Variants in MCM5 observed in about 807,000 individuals in gnomAD.
MCM5 encodes the protein minichromosome maintenance complex component 5.
In MCM5, 46 loss-of-function variants were observed where a neutral mutation model predicts 79.9. The observed-to-expected ratio is 0.58, with a 90% confidence interval of 0.45 to 0.74. The LOEUF is 0.74. Ranked by LOEUF, MCM5 falls within the 30% of genes least tolerant of loss-of-function variation. MCM5 has a pLI of 0.00. For missense variants in MCM5, 883 were observed against 1,017.0 expected (o/e 0.87, Z 1.79); for synonymous variants, 404 against 390.5 (o/e 1.03, Z -0.41).
downstream of MCM5, among the ~76,000 whole-genome samples, chr22:35,426,982 C>T (rs5999826): frequency 6.6e-6 from 1 of 152,236 alleles, no homozygotes; most frequent in African/African-American, 2.4e-5. Context: ...GTTTCTCTCT[C>T]TGTTCACAGA....
the MCM5 span, among the ~76,000 whole-genome samples, chr22:35,432,516 G>A: frequency 1.3e-5 from 2 of 152,242 alleles, no homozygotes; most frequent in African/African-American, 2.4e-5. Context: ...AGAAGCACCA[G>A]AGAGCTGCTG....
At chr22:35,401,065 C>G (rs1293532973) in intron 2 of MCM5, among the ~76,000 whole-genome samples, 9 of 152,204 alleles carry the variant, frequency 5.9e-5, no homozygotes, top group Non-Finnish European at 1.2e-4. Flanking sequence ...AGTGATCCAC[C>G]CGCCTCAGTC....
At chr22:35,447,895 CT>C in the MCM5 span, among the ~76,000 whole-genome samples, 2 of 152,214 alleles carry the variant, frequency 1.3e-5, no homozygotes, top group Non-Finnish European at 1.5e-5. Flanking sequence ...CCCCCTCAGT[CT>C]TCACAGATCC....
At chr22:35,410,403 G>A (rs1932343357) in intron 6 of MCM5, 1 of 332,386 alleles carries the variant, frequency 3.0e-6, no homozygotes, top group East Asian at 7.3e-5. Context: ...GCAGACACGT[G>A]GAGATGGGGC....
At chr22:35,400,684 ACAGT>A (rs769148539) in intron 2 of MCM5, 79 bp downstream of exon 2, 194 of 1,453,440 alleles carry the variant, frequency 1.3e-4, no homozygotes, top group Non-Finnish European at 1.7e-4. Context: ...AGAGTCCTGG[ACAGT>A]CAGGGCACAG....
chr22:35,446,905 C>G, the MCM5 span, among the ~76,000 whole-genome samples: 2 of 152,184 alleles, frequency 1.3e-5, no homozygotes, highest in East Asian at 3.9e-4. Context: ...AGTGTCCTGC[C>G]CCAACTGCCC....
chr22:35,428,752 C>T (rs1376299055), downstream of MCM5, among the ~76,000 whole-genome samples: 2 of 151,992 alleles, frequency 1.3e-5, no homozygotes, highest in Non-Finnish European at 2.9e-5. Flanking sequence ...GGCTCCTACT[C>T]AGGGCTCACC....
Position 35,410,611 on chromosome 22 carries a change from C to T in MCM5, c.753-133C>T, listed in dbSNP as rs575217712. On this transcript the variant is annotated intron_variant, in intron 6 of 16. Coordinates refer to ENST00000216122, the MANE Select transcript of MCM5 (RefSeq NM_006739.4). ...TCTCTGGGCTCCGTGGGGCTGGAGC[C>T]AGCTCAGCATGTGGTGCCTGTGGCA... The T allele has an allele frequency of 5.2e-5, 44 of 838,830 alleles. 1 individual carries two copies. The highest frequency in any genetic ancestry group is 2.7e-4 in the South Asian group (20 of 73,632). 52.0% of individuals were successfully genotyped at this position (838,830 alleles called of 1,614,324 possible).
chr22:35,403,331 C>G lies in MCM5; in HGVS notation c.292C>G (p.Leu98Val), dbSNP rs1461500233. ...CAAGCAGCCAGCCGAGCACCTGCAG[C>G]TGGTGAGTGGGACCCCATCCCTGAG... The part of the protein sequence containing the change: ...LYKQPAEHLQ[L>V]LEEAAKEVAD... Residue 98 changes from leucine (L) to valine (V), a missense_variant and splice_region_variant, in exon 3 of 17, where the codon CTG becomes GTG. Physicochemically the swap from Leu to Val is conservative, Grantham distance 32. Around this residue, in one of 3 missense-constraint regions of MCM5, gnomAD observed 455 missense variants for 517.5 expected, o/e 0.88. Coordinates refer to ENST00000216122, the MANE Select transcript of MCM5 (RefSeq NM_006739.4). 1 of 1,614,148 alleles carries G rather than the reference C, an allele frequency of 6.2e-7. No homozygotes were observed. Among genetic ancestry groups the G allele is most frequent in the Non-Finnish European group, 8.5e-7 (1 of 1,180,022 alleles).
chr22:35,410,203 A>T (rs1468811564), intron 6 of MCM5, among the ~76,000 whole-genome samples: 2 of 152,186 alleles, frequency 1.3e-5, no homozygotes, highest in South Asian at 4.2e-4. Context: ...CCTGTCTCTG[A>T]CTGGGGGACT....
At chr22:35,419,228 G>GTTCC (rs1295301307) in intron 13 of MCM5, among the ~76,000 whole-genome samples, 1 of 152,160 alleles carries the variant, frequency 6.6e-6, no homozygotes, top group Non-Finnish European at 1.5e-5. Context: ...GCCTTGGGGA[G>GTTCC]TTCCCTCCCT....
At chr22:35,437,988 C>T in the MCM5 span, among the ~76,000 whole-genome samples, 1 of 152,096 alleles carries the variant, frequency 6.6e-6, no homozygotes, top group African/African-American at 2.4e-5. Context: ...TTTGGCCTGT[C>T]GTTTCCCCTT....
At position 35,403,487 on chromosome 22, in the gene MCM5, A is replaced by G. The variant is rs1932120796; in HGVS notation, c.368A>G (p.Asp123Gly). ...CCTTCTGGGGAGGAGGTGCTCCAGG[A>G]CATCCAGGTCATGCTCAAGTCGGAC... ...PRPSGEEVLQ[D>G]IQVMLKSDAS... The change falls in exon 4 of 17, where the codon GAC (aspartate) becomes GGC (glycine). Residue 123 changes from aspartate to glycine, a missense_variant. Around this residue, in one of 3 missense-constraint regions of MCM5, gnomAD observed 455 missense variants for 517.5 expected, o/e 0.88. Transcript: ENST00000216122. 1.9e-6 allele frequency: 3 copies of G among 1,614,036 alleles called. No individual in the cohort carries two copies. Among genetic ancestry groups the G allele is most frequent in the South Asian group, 1.1e-5 (1 of 91,082 alleles).
At chr22:35,421,216 C>T in intron 14 of MCM5, 102 bp from the exon 15 acceptor site, 1 of 1,250,578 alleles carries the variant, frequency 8.0e-7, no homozygotes, top group Non-Finnish European at 1.1e-6. Flanking sequence ...GTCTCCACCA[C>T]AGTCTTACCA....
At chr22:35,447,272 C>T in the MCM5 span, among the ~76,000 whole-genome samples, 2 of 152,076 alleles carry the variant, frequency 1.3e-5, no homozygotes, top group East Asian at 1.9e-4. Context: ...GCTCCTTCCC[C>T]GACGGGTTTG....
At chr22:35,442,140 C>T in the MCM5 span, among the ~76,000 whole-genome samples, 3 of 151,998 alleles carry the variant, frequency 2.0e-5, no homozygotes, top group African/African-American at 4.8e-5. Context: ...CGTTGTTTCC[C>T]GGCTGTCCTG....
chr22:35,425,912 C>A (rs1932776483), downstream of MCM5, among the ~76,000 whole-genome samples: 1 of 152,106 alleles, frequency 6.6e-6, no homozygotes, highest in African/African-American at 2.4e-5. Context: ...TCAAGTGTCA[C>A]AGTGAGGGAG....
intron 7 of MCM5, among the ~76,000 whole-genome samples, chr22:35,411,902 C>T (rs1262052673): frequency 2.6e-5 from 4 of 152,216 alleles, no homozygotes; most frequent in African/African-American, 9.7e-5. Flanking sequence ...CCTTTCCCCA[C>T]CCTCAGACTG....
chr22:35,423,371 C>T (rs1932743201), intron 16 of MCM5, 30 bp downstream of exon 16: 1 of 1,567,338 alleles, frequency 6.4e-7, no homozygotes, highest in Non-Finnish European at 8.7e-7. Context: ...GGGGTGTGAG[C>T]CGGCACGGGG....
Sources: allele counts gnomAD v4.1 joint callset (sites outside exome capture counted in the v4.1 genomes callset), GRCh38; gene constraint gnomAD v4.1.1; regional missense constraint gnomAD v4.1.1; transcripts MANE v1.5; gene names NCBI Gene and HGNC (gene_info 2026-07-23, HGNC 2026-07-21).